The following TMEM175 variants were observed in gnomAD, a reference collection of about 807,000 sequenced individuals.
TMEM175 encodes endosomal/lysosomal proton channel TMEM175.
In TMEM175, 36 loss-of-function variants were observed where a neutral mutation model predicts 36.5. That is an observed-to-expected ratio of 0.99 (90% CI 0.76 to 1.30). The LOEUF (loss-of-function observed/expected upper bound fraction) is 1.30, where lower values mean the gene tolerates loss of function less well. Ranked by LOEUF, TMEM175 falls within the 50% of genes most tolerant of loss-of-function variation. TMEM175 has a pLI of 0.00. For missense variants in TMEM175, 705 were observed against 692.8 expected, an observed-to-expected ratio of 1.02 and a Z score of -0.20; for synonymous variants, 339 against 313.4, an observed-to-expected ratio of 1.08 and a Z score of -0.86.
intron 1 of TMEM175, among the ~76,000 whole-genome samples, chr4:935,812 A>T (rs1246598667): frequency 6.6e-6 from 1 of 152,254 alleles, no homozygotes; most frequent in African/African-American, 2.4e-5. Flanking sequence ...ATTAAAGTAG[A>T]AATCAGTAAC....
chr4:956,819 C>CT (rs2153005601), intron 10 of TMEM175: 1 of 266,866 alleles, frequency 3.7e-6, no homozygotes, highest in East Asian at 1.2e-4. Context: ...TAGTTCAGCA[C>CT]TGTGACCACC....
chr4:949,266 A>T (rs888601194), intron 3 of TMEM175, among the ~76,000 whole-genome samples: 3 of 152,140 alleles, frequency 2.0e-5, no homozygotes, highest in Non-Finnish European at 4.4e-5. Flanking sequence ...TGTGAACCTA[A>T]ACCTGCTCCG....
At chr4:948,359 C>T in intron 3 of TMEM175, 1 of 1,533,826 alleles carries the variant, frequency 6.5e-7, no homozygotes, top group Non-Finnish European at 8.7e-7. Flanking sequence ...GAGGTCCTGG[C>T]CTCCTGGGAG....
chr4:934,037 T>C (rs577334801), intron 1 of TMEM175, among the ~76,000 whole-genome samples: 3 of 152,286 alleles, frequency 2.0e-5, no homozygotes, highest in Non-Finnish European at 4.4e-5. Flanking sequence ...TGAGAAAATA[T>C]GCTCAACAAT....
rs1431422102 is a variant in TMEM175, at chr4:957,970, T to C, written c.989T>C (p.Leu330Pro). ...VGLLWFAHHS[L>P]FLHVRKATRA... is the part of the protein sequence containing the mutation. ...CTGCTGTGGTTCGCCCACCACTCACTCTTCCTGCATGTGCGCAAGGCCACG... is the reference window on the plus strand; with the variant it reads ...CTGCTGTGGTTCGCCCACCACTCACCCTTCCTGCATGTGCGCAAGGCCACG... Residue 330 changes from leucine to proline, a missense_variant, in exon 11 of 11, where the codon CTC (leucine) becomes CCC (proline). Leu to Pro is a moderately conservative substitution (Grantham distance 98). Transcript: ENST00000264771. 1.9e-6 allele frequency: 3 copies of C among 1,612,774 alleles called. No individual in the cohort carries two copies. Among genetic ancestry groups the C allele is most frequent in the Non-Finnish European group, 2.5e-6 (3 of 1,179,940 alleles).
At chr4:943,236 G>C (rs1215089305) in intron 1 of TMEM175, among the ~76,000 whole-genome samples, 4 of 152,000 alleles carry the variant, frequency 2.6e-5, no homozygotes, top group African/African-American at 9.7e-5. Context: ...TAAATTAATT[G>C]AATTATTGAT....
rs1729925447 is a variant in TMEM175, at chr4:957,860, G to C, written c.879G>C (p.Glu293Asp). Residue 293 changes from glutamate to aspartate, a missense_variant, in exon 11 of 11, where the codon GAG becomes GAC. Coordinates refer to ENST00000264771, the MANE Select transcript of TMEM175 (RefSeq NM_032326.4). ...DNVPDPKDVK[E>D]RFSGSLVAAL... The stretch of plus-strand genomic sequence containing the variant: ...TCCCGGACCCCAAGGATGTGAAGGA[G>C]AGGTTCAGCGGCAGCCTCGTGGCCG... 1 of 1,612,272 alleles carries C rather than the reference G, an allele frequency of 6.2e-7. No individual in the cohort carries two copies. The highest frequency in any genetic ancestry group is 8.5e-7 in the Non-Finnish European group (1 of 1,179,714).
intron 1 of TMEM175, among the ~76,000 whole-genome samples, chr4:933,072 C>T (rs1577368099): frequency 6.6e-6 from 1 of 152,176 alleles, no homozygotes; most frequent in Non-Finnish European, 1.5e-5. Context: ...GTTCGTAATG[C>T]CCAACTATTT....
intron 1 of TMEM175, among the ~76,000 whole-genome samples, chr4:945,848 C>T (rs886762148): frequency 2.0e-5 from 3 of 152,164 alleles, no homozygotes; most frequent in Admixed American, 1.3e-4. Flanking sequence ...GTCCTGCCCC[C>T]GGCTGCTCCT....
At chr4:949,242 T>G (rs1352078793) in intron 3 of TMEM175, among the ~76,000 whole-genome samples, 1 of 152,128 alleles carries the variant, frequency 6.6e-6, no homozygotes, top group Admixed American at 6.5e-5. Context: ...CCCGGGTGGT[T>G]GAAAATAAAA....
At chr4:940,208 G>A (rs750312434) in intron 1 of TMEM175, among the ~76,000 whole-genome samples, 3 of 152,194 alleles carry the variant, frequency 2.0e-5, no homozygotes, top group Admixed American at 1.3e-4. Context: ...CAGCACTTTC[G>A]GAGGCCAAGG....
intron 1 of TMEM175, among the ~76,000 whole-genome samples, chr4:940,340 C>A (rs1332061858): frequency 6.7e-6 from 1 of 150,022 alleles, no homozygotes; most frequent in East Asian, 2.0e-4. Flanking sequence ...CCCAGCTACT[C>A]AGGAGGCTGA....
At chr4:951,951 C>T (rs374277879) in intron 6 of TMEM175, 497 of 597,694 alleles carry the variant, frequency 8.3e-4, no homozygotes, top group African/African-American at 8.2e-3. Context: ...AGCTCCCACC[C>T]GGCCCTGAGC....
intron 10 of TMEM175, among the ~76,000 whole-genome samples, chr4:957,390 C>T (rs955833259): frequency 4.6e-5 from 7 of 152,194 alleles, no homozygotes; most frequent in African/African-American, 9.7e-5. Context: ...ATCTGAGAAC[C>T]GTGGAGGCAA....
At chr4:941,922 A>C (rs892524214) in intron 1 of TMEM175, among the ~76,000 whole-genome samples, 14 of 152,164 alleles carry the variant, frequency 9.2e-5, no homozygotes, top group African/African-American at 3.4e-4. Context: ...ATTTTGTCAA[A>C]CCCAATGTCA....
At chr4:948,590 C>T (rs866391073) in intron 3 of TMEM175, 51 of 1,307,330 alleles carry the variant, frequency 3.9e-5, no homozygotes, top group Non-Finnish European at 5.0e-5. Context: ...GACACTCCCA[C>T]CCCGGCTGCT....
chr4:944,464 A>C (rs1175693892), intron 1 of TMEM175, among the ~76,000 whole-genome samples: 1 of 152,104 alleles, frequency 6.6e-6, no homozygotes, highest in Admixed American at 6.6e-5. Context: ...TCTAGGTAAG[A>C]AGTAACCTGG....
chr4:948,850 G>C (rs772278099), intron 3 of TMEM175, among the ~76,000 whole-genome samples: 7 of 152,212 alleles, frequency 4.6e-5, no homozygotes, highest in Non-Finnish European at 1.0e-4. Flanking sequence ...GTCCTGACTC[G>C]TGAGCTGAGC....
intron 10 of TMEM175, among the ~76,000 whole-genome samples, chr4:957,334 A>G (rs1410232383): frequency 6.6e-6 from 1 of 152,196 alleles, no homozygotes; most frequent in African/African-American, 2.4e-5. Context: ...GGGGGTTCCC[A>G]CAGCCTCCCT....
Sources: allele counts gnomAD v4.1 joint callset (sites outside exome capture counted in the v4.1 genomes callset), GRCh38; gene constraint gnomAD v4.1.1; transcripts MANE v1.5; gene names NCBI Gene and HGNC (gene_info 2026-07-23, HGNC 2026-07-21).